The following ZFPM1 variants were observed in gnomAD, a reference collection of about 807,000 sequenced individuals.
ZFPM1 encodes zinc finger protein, FOG family member 1, also known as zinc finger protein ZFPM1.
A neutral mutation model predicts 46.3 loss-of-function variants in ZFPM1; 28 were observed. That is an observed-to-expected ratio of 0.60 (90% CI 0.45 to 0.83). ZFPM1 has a LOEUF of 0.83. ZFPM1 is among the 40% of genes least tolerant of loss of function. ZFPM1 has a pLI of 0.00. For missense variants in ZFPM1, 1,878 were observed against 1,432.4 expected, an observed-to-expected ratio of 1.31 and a Z score of -5.02; for synonymous variants, 957 against 675.9, an observed-to-expected ratio of 1.42 and a Z score of -6.45.
In ZFPM1 at chr16:88,484,784, G is replaced by A. The variant is rs542256380; in HGVS notation, c.41-1155G>A. On this transcript the variant is annotated intron_variant, in intron 1 of 9. Transcript: ENST00000319555. ...ACCATCACCCATCACCAGCCCCGCC[G>A]GCGGATGTCAGCACACACACCTGCA... 9.8e-5 allele frequency among the ~76,000 whole-genome samples: 15 copies of A among 152,296 alleles called. No homozygotes were observed. The South Asian group carries it at 1.9e-3, about 19-fold the overall frequency.
intron 4 of ZFPM1, among the ~76,000 whole-genome samples, chr16:88,514,750 G>T (rs1035687321): frequency 2.6e-5 from 4 of 152,210 alleles, no homozygotes; most frequent in African/African-American, 7.2e-5. Context: ...GGACTTCCTG[G>T]AGGAGGGGTT....
chr16:88,471,515 C>T lies in ZFPM1; in HGVS notation c.41-14424C>T, dbSNP rs186426757. Among the ~76,000 whole-genome samples, 105 of 152,132 alleles carry T rather than the reference C, an allele frequency of 6.9e-4. No homozygotes were observed. In the East Asian group the frequency reaches 0.013, roughly 19 times the overall value. Reference sequence around the variant, plus strand: ...ACGACCATGCCCACAGTGGCTCCCACGCATAGTGGAGGGGCCAAGACCCCA... The same window carrying T: ...ACGACCATGCCCACAGTGGCTCCCATGCATAGTGGAGGGGCCAAGACCCCA... On this transcript the variant is annotated intron_variant, in intron 1 of 9. Transcript: ENST00000319555. This position sits in a 1 kb window ranked among gnomAD's most constrained non-coding sequence, Gnocchi z 4.1.
intron 2 of ZFPM1, among the ~76,000 whole-genome samples, chr16:88,486,655 T>A (rs935573693): frequency 2.1e-5 from 3 of 144,530 alleles, no homozygotes; most frequent in Non-Finnish European, 3.0e-5. Flanking sequence ...AGTGGATCGG[T>A]CCTGGGTGCA....
rs947173594 is a variant in ZFPM1, at chr16:88,534,305, C to G, written c.2347C>G (p.Pro783Ala). Residue 783 changes from proline (P) to alanine (A), a missense_variant, in exon 10 of 10, where the codon CCT becomes GCT. Coordinates refer to ENST00000319555, the MANE Select transcript of ZFPM1 (RefSeq NM_153813.3). The stretch of plus-strand genomic sequence containing the variant: ...AAGCGGAAGCGGCCCCGGCCTCGCC[C>G]CTGCGCGCTCGCCCGGCCCCGCGGC... ...SGSGSGPGLA[P>A]ARSPGPAADG... The G allele has an allele frequency of 1.2e-5, 16 of 1,298,626 alleles. No individual in the cohort carries two copies. In the Admixed American group the frequency reaches 1.9e-4, roughly 15 times the overall value. The allele number at this position is 1,298,626 out of a possible 1,614,324, so 80.4% of individuals were successfully genotyped here.
In ZFPM1 at chr16:88,497,623, G is replaced by T. The variant is rs979122571; in HGVS notation, c.268+8470G>T. On this transcript the variant is annotated intron_variant, in intron 3 of 9. Transcript: ENST00000319555. The surrounding 1 kb of genome is among the most constrained non-coding windows in gnomAD (Gnocchi z 5.4). ...TTCTTGGCTGTAAAATGGGTACCCT[G>T]AAGGGTTTTGTGGGGGGTGTTCGTG... Among the ~76,000 whole-genome samples the T allele has an allele frequency of 6.6e-6, 1 of 152,148 alleles. No individual in the cohort carries two copies. The highest frequency in any genetic ancestry group is 2.4e-5 in the African/African-American group (1 of 41,434).
Position 88,534,357 on chromosome 16 carries a change from A to G in ZFPM1, c.2399A>G (p.Lys800Arg), listed in dbSNP as rs986056704. ...AADGPIDLSK[K>R]PRRPLPGAPA... ...GACGGCCCCATCGACCTGAGCAAGA[A>G]GCCGCGGCGCCCGCTCCCCGGAGCC... The change falls in exon 10 of 10, where the codon AAG becomes AGG. Residue 800 changes from lysine (K) to arginine (R), a missense_variant. Coordinates refer to ENST00000319555, the MANE Select transcript of ZFPM1 (RefSeq NM_153813.3). 7 of 1,420,942 alleles carry G rather than the reference A, an allele frequency of 4.9e-6. No homozygotes were observed. In the African/African-American group the frequency reaches 1.1e-4, roughly 21 times the overall value. 88.0% of individuals were successfully genotyped at this position (1,420,942 alleles called of 1,614,324 possible).
intron 1 of ZFPM1, among the ~76,000 whole-genome samples, chr16:88,475,896 C>T (rs1052313548): frequency 2.0e-5 from 3 of 152,134 alleles, no homozygotes; most frequent in African/African-American, 4.8e-5. Context: ...CACCATTCGG[C>T]CAGAGGCTGG....
At chr16:88,516,339 G>A (rs1038994509) in intron 4 of ZFPM1, 2 of 397,730 alleles carry the variant, frequency 5.0e-6, no homozygotes, top group African/African-American at 2.1e-5. Flanking sequence ...ATTTAGTCCT[G>A]CTCTGGCCTA....
intron 1 of ZFPM1, among the ~76,000 whole-genome samples, chr16:88,467,161 C>G (rs945989856): frequency 2.6e-5 from 4 of 152,158 alleles, no homozygotes; most frequent in African/African-American, 7.2e-5. Context: ...ACACAGCGGC[C>G]AGAGTGGCTC....
chr16:88,517,910 T>C (rs993499105), intron 4 of ZFPM1, among the ~76,000 whole-genome samples: 4 of 151,544 alleles, frequency 2.6e-5, no homozygotes, highest in Non-Finnish European at 4.4e-5. Context: ...GATAGGTGGA[T>C]GGATAAATGA....
chr16:88,472,354 C>CTT (rs761646874), intron 1 of ZFPM1, among the ~76,000 whole-genome samples: 34 of 133,364 alleles, frequency 2.5e-4, no homozygotes, highest in African/African-American at 4.5e-4. Flanking sequence ...TTTGAATTTT[C>CTT]TTTTTTTTTT....
chr16:88,514,004 A>G (rs1911128619), intron 3 of ZFPM1, among the ~76,000 whole-genome samples: 1 of 152,236 alleles, frequency 6.6e-6, no homozygotes, highest in Non-Finnish European at 1.5e-5. Flanking sequence ...GCACGTTCAT[A>G]GACTGCAGGC....
Position 88,453,461 on chromosome 16 carries a change from G to T in ZFPM1, c.-178G>T, listed in dbSNP as rs1907377367. ...CAGGACCGTGGCCTCTCGGGCCTCC[G>T]CGGCAGCTCCAGCGGCTCCGGGGCT... On this transcript the variant is annotated 5_prime_UTR_variant, in exon 1 of 10. Coordinates refer to ENST00000319555, the MANE Select transcript of ZFPM1 (RefSeq NM_153813.3). The T allele has an allele frequency of 5.9e-6, 1 of 170,236 alleles. No individual in the cohort carries two copies. The highest frequency in any genetic ancestry group is 1.1e-5 in the Non-Finnish European group (1 of 88,822). 10.5% of individuals were successfully genotyped at this position (170,236 alleles called of 1,614,324 possible).
intron 1 of ZFPM1, among the ~76,000 whole-genome samples, chr16:88,472,550 C>T (rs1908475290): frequency 6.6e-6 from 1 of 152,092 alleles, no homozygotes; most frequent in South Asian, 2.1e-4. Context: ...GACGGGGTTT[C>T]ACCCTGTTGG....
At chr16:88,520,777 G>A (rs1346516118) in intron 4 of ZFPM1, among the ~76,000 whole-genome samples, 2 of 121,932 alleles carry the variant, frequency 1.6e-5, no homozygotes, top group South Asian at 3.2e-4. Flanking sequence ...GGATGATTGG[G>A]TGGATGGATG....
At chr16:88,526,202 G>A (rs930129997) in intron 4 of ZFPM1, among the ~76,000 whole-genome samples, 5 of 152,340 alleles carry the variant, frequency 3.3e-5, no homozygotes, top group African/African-American at 4.8e-5. Context: ...GGGAGCGAGC[G>A]GGAACGCAGG....
chr16:88,476,195 G>A (rs1248871716), intron 1 of ZFPM1, among the ~76,000 whole-genome samples: 2 of 151,998 alleles, frequency 1.3e-5, no homozygotes, highest in Non-Finnish European at 2.9e-5. Flanking sequence ...GCTGAGACCC[G>A]AAGGCCCCTC....
chr16:88,463,879 C>T (rs547259258), intron 1 of ZFPM1, among the ~76,000 whole-genome samples: 2 of 152,308 alleles, frequency 1.3e-5, no homozygotes, highest in African/African-American at 4.8e-5. Context: ...CCCTTCCCTG[C>T]TCTGGGCCAA....
chr16:88,493,263 G>GA, intron 3 of ZFPM1, among the ~76,000 whole-genome samples: 1 of 138,356 alleles, frequency 7.2e-6, no homozygotes. Context: ...TGGGGTGCGG[G>GA]GAGCTGTCCC....
Sources: allele counts gnomAD v4.1 joint callset (sites outside exome capture counted in the v4.1 genomes callset), GRCh38; gene constraint gnomAD v4.1.1; non-coding constraint Gnocchi (gnomAD v3.1); transcripts MANE v1.5; gene names NCBI Gene and HGNC (gene_info 2026-07-23, HGNC 2026-07-21).